GMPR: variants seen among roughly 807,000 people sequenced by gnomAD.
The protein encoded by GMPR is GMP reductase 1.
Under a neutral mutation model 38.4 loss-of-function variants are expected in GMPR, and 31 were observed. The ratio of observed to expected loss-of-function variants is 0.81; its 90% CI spans 0.61 to 1.09. The LOEUF (loss-of-function observed/expected upper bound fraction) is 1.09, where lower values mean the gene tolerates loss of function less well. GMPR is among the 50% of genes least tolerant of loss of function. GMPR has a pLI of 0.00. For missense variants in GMPR, 468 were observed against 453.7 expected (o/e 1.03, Z -0.29); for synonymous variants, 162 against 173.3 (o/e 0.93, Z 0.51).
rs1199152124 is a variant in GMPR, at chr6:16,278,767, C to G, written c.548-17C>G. ...TGTATAACCATCTATTTGGGGACAACTTCTTTCTCTGTGCAGGTTCTGTGT... is the reference window on the plus strand; with the variant it reads ...TGTATAACCATCTATTTGGGGACAAGTTCTTTCTCTGTGCAGGTTCTGTGT... On this transcript the variant is annotated splice_polypyrimidine_tract_variant and intron_variant, in intron 5 of 8. Coordinates refer to ENST00000259727, the MANE Select transcript of GMPR (RefSeq NM_006877.4). 1 of 1,575,342 alleles carries G rather than the reference C, an allele frequency of 6.3e-7. No homozygotes were observed. Among genetic ancestry groups the G allele is most frequent in the Non-Finnish European group, 8.7e-7 (1 of 1,144,644 alleles).
chr6:16,272,821 T>C (rs565683370), intron 4 of GMPR, among the ~76,000 whole-genome samples: 2 of 152,228 alleles, frequency 1.3e-5, no homozygotes, highest in South Asian at 4.1e-4. Context: ...TATGTCAGTT[T>C]TTTTTCTTTT....
rs541470163 is a variant in GMPR, at chr6:16,248,752, GTCA to G, written c.208-1528_208-1526del. On this transcript the variant is annotated intron_variant, in intron 2 of 8. Coordinates refer to ENST00000259727, the MANE Select transcript of GMPR (RefSeq NM_006877.4). ...CCTCACCCTTTCCCTGCTCTGCTCT[GTCA>G]TCAGCCATTGCTACTAATGAATTAT... Among the ~76,000 whole-genome samples, 314 of 152,212 alleles carry G rather than the reference GTCA, an allele frequency of 2.1e-3. 2 individuals carry two copies. Among genetic ancestry groups the G allele is most frequent in the Non-Finnish European group, 2.4e-3 (165 of 68,012 alleles).
chr6:16,272,388 TAGA>T (rs901855327), intron 4 of GMPR, among the ~76,000 whole-genome samples: 42 of 152,350 alleles, frequency 2.8e-4, no homozygotes, highest in African/African-American at 9.1e-4. Context: ...CAGAGAATCT[TAGA>T]AGAATTATTG....
At chr6:16,276,967 C>G (rs1759483372) in intron 5 of GMPR, among the ~76,000 whole-genome samples, 2 of 152,184 alleles carry the variant, frequency 1.3e-5, no homozygotes, top group African/African-American at 4.8e-5. Context: ...GGCAATTGGT[C>G]TACCCTTTAT....
intron 4 of GMPR, among the ~76,000 whole-genome samples, chr6:16,260,872 T>C (rs973154265): frequency 7.9e-5 from 12 of 151,390 alleles, no homozygotes; most frequent in Admixed American, 4.7e-4. Context: ...CGTGGGAGGG[T>C]GGATTGAAGT....
intron 4 of GMPR, among the ~76,000 whole-genome samples, chr6:16,259,637 TAGA>T (rs1438050297): frequency 6.6e-6 from 1 of 151,884 alleles, no homozygotes; most frequent in African/African-American, 2.4e-5. Flanking sequence ...GTGGGACTGT[TAGA>T]AGAAACATTT....
chr6:16,266,106 TGCC>T (rs1381445060), intron 4 of GMPR, among the ~76,000 whole-genome samples: 71 of 57,570 alleles, frequency 1.2e-3, no homozygotes, highest in Middle Eastern at 0.012. Flanking sequence ...CTGTAACACT[TGCC>T]ATCTTTAAGA....
intron 7 of GMPR, chr6:16,289,847 A>ATTTTTTTTTTTTTTTTTTTTTTTTTTTT: frequency 1.1e-5 from 1 of 90,112 alleles, no homozygotes. Context: ...GATACTGCCC[A>ATTTTTTTTTTTTTTTTTTTTTTTTTTTT]ATTTTTTTTT....
chr6:16,262,244 C>T (rs1413750423), intron 4 of GMPR: 4 of 151,650 alleles, frequency 2.6e-5, no homozygotes, highest in Non-Finnish European at 5.9e-5. Context: ...CCGAGGCGAT[C>T]GGGCAGCATC....
intron 1 of GMPR, among the ~76,000 whole-genome samples, chr6:16,244,826 T>C (rs924518401): frequency 6.6e-6 from 1 of 152,162 alleles, no homozygotes; most frequent in African/African-American, 2.4e-5. Context: ...TTATTTTTCA[T>C]TCTTAGAATT....
chr6:16,282,814 C>CTT (rs1265279033), intron 6 of GMPR, among the ~76,000 whole-genome samples: 4 of 137,498 alleles, frequency 2.9e-5, no homozygotes, highest in East Asian at 2.1e-4. Context: ...TTTTTTTTTT[C>CTT]TTTTTTTTTT....
At chr6:16,286,784 T>G (rs996190654) in intron 7 of GMPR, among the ~76,000 whole-genome samples, 1 of 151,856 alleles carries the variant, frequency 6.6e-6, no homozygotes, top group African/African-American at 2.4e-5. Flanking sequence ...TGCACGCCTG[T>G]AATCCCAGCT....
At chr6:16,273,051 T>G (rs1268484361) in intron 4 of GMPR, among the ~76,000 whole-genome samples, 1 of 152,214 alleles carries the variant, frequency 6.6e-6, no homozygotes, top group Non-Finnish European at 1.5e-5. Context: ...CTTCTGAATT[T>G]GGGGAGTATA....
rs752563524 is a variant in GMPR, at chr6:16,278,840, G to C, written c.604G>C (p.Val202Leu). ...TGVGYPQLSA[V>L]IECADSAHGL... ...AGTGGGGTACCCCCAGCTGAGTGCC[G>C]TCATTGAGTGTGCCGACTCTGCCCA... Residue 202 changes from valine to leucine, a missense_variant, in exon 6 of 9, where the codon GTC (valine) becomes CTC (leucine). Transcript: ENST00000259727. 1 of 1,614,014 alleles carries C rather than the reference G, an allele frequency of 6.2e-7. No individual in the cohort carries two copies. The highest frequency in any genetic ancestry group is 8.5e-7 in the Non-Finnish European group (1 of 1,179,878).
intron 4 of GMPR, among the ~76,000 whole-genome samples, chr6:16,266,695 C>T (rs1293174433): frequency 6.6e-6 from 1 of 151,468 alleles, no homozygotes; most frequent in African/African-American, 2.4e-5. Context: ...CCTGTAGTCC[C>T]AGCTACTCGG....
At chr6:16,266,251 G>C (rs1299055552) in intron 4 of GMPR, among the ~76,000 whole-genome samples, 1 of 151,960 alleles carries the variant, frequency 6.6e-6, no homozygotes, top group Admixed American at 6.6e-5. Flanking sequence ...TTTAAGAGCT[G>C]TAACACTCAC....
In GMPR at chr6:16,289,069, G is replaced by GTGATTTGT. The variant is rs1409285076; in HGVS notation, c.698-1390_698-1383dup. ...CTTCTGGCTCCTTTTCTTTGGGAGG[G>GTGATTTGT]TGATTTGTTGTTTCGCTCTTTGCAA... On this transcript the variant is annotated intron_variant, in intron 7 of 8. Coordinates refer to ENST00000259727, the MANE Select transcript of GMPR (RefSeq NM_006877.4). 4.1e-4 allele frequency among the ~76,000 whole-genome samples: 62 copies of GTGATTTGT among 152,310 alleles called. 1 individual carries two copies. Among genetic ancestry groups the GTGATTTGT allele is most frequent in the African/African-American group, 1.2e-3 (49 of 41,566 alleles).
chr6:16,242,341 T>G (rs1758666256), intron 1 of GMPR, among the ~76,000 whole-genome samples: 1 of 152,094 alleles, frequency 6.6e-6, no homozygotes, highest in Admixed American at 6.5e-5. Flanking sequence ...ACTTTTTTTT[T>G]TTTTTTTTAA....
intron 6 of GMPR, among the ~76,000 whole-genome samples, chr6:16,285,210 A>C (rs890605222): frequency 8.5e-5 from 13 of 152,220 alleles, no homozygotes; most frequent in Non-Finnish European, 1.5e-5. Flanking sequence ...CTGCATGGGC[A>C]GTGTGGGTGG....
Sources: allele counts gnomAD v4.1 joint callset (sites outside exome capture counted in the v4.1 genomes callset), GRCh38; gene constraint gnomAD v4.1.1; transcripts MANE v1.5; gene names NCBI Gene and HGNC (gene_info 2026-07-23, HGNC 2026-07-21).